The following VPS53 variants were observed in gnomAD, a reference collection of about 807,000 sequenced individuals.
The protein encoded by VPS53 is vacuolar protein sorting-associated protein 53 homolog.
A neutral mutation model predicts 107.0 loss-of-function variants in VPS53; 70 were observed. The observed-to-expected ratio is 0.65, with a 90% CI of 0.54 to 0.80. The LOEUF is 0.80. VPS53 is among the 30% of genes least tolerant of loss of function. The probability of loss-of-function intolerance (pLI) is 0.00; values close to 1 mark genes in which losing one functional copy is unlikely to be tolerated. For missense variants in VPS53, 917 were observed against 1,049.4 expected (o/e 0.87, Z 1.74); for synonymous variants, 409 against 393.3 (o/e 1.04, Z -0.47).
At chr17:561,652 C>A (rs980630242) in intron 14 of VPS53, among the ~76,000 whole-genome samples, 1 of 152,048 alleles carries the variant, frequency 6.6e-6, no homozygotes, top group Non-Finnish European at 1.5e-5. Context: ...TTTTTTAGGG[C>A]GGAGTCTCCC....
At chr17:698,088 G>A (rs1180939135) in intron 3 of VPS53, among the ~76,000 whole-genome samples, 1 of 152,030 alleles carries the variant, frequency 6.6e-6, no homozygotes, top group Non-Finnish European at 1.5e-5. Flanking sequence ...CTAAGCCTTG[G>A]GAACACAAAA....
intron 7 of VPS53, among the ~76,000 whole-genome samples, chr17:651,569 T>G (rs576274767): frequency 6.6e-6 from 1 of 152,140 alleles, no homozygotes; most frequent in African/African-American, 2.4e-5. Context: ...CCATCCTGGG[T>G]GACAGAGTGA....
At chr17:650,638 A>C (rs1416043718) in intron 7 of VPS53, among the ~76,000 whole-genome samples, 1 of 152,262 alleles carries the variant, frequency 6.6e-6, no homozygotes. Flanking sequence ...GTGCTCTCAT[A>C]CAGTACAGAT....
At chr17:572,775 T>A (rs1914286492) in intron 13 of VPS53, among the ~76,000 whole-genome samples, 1 of 148,610 alleles carries the variant, frequency 6.7e-6, no homozygotes, top group Non-Finnish European at 1.5e-5. Flanking sequence ...CACTCAGGGT[T>A]AAATGGATTA....
intron 13 of VPS53, among the ~76,000 whole-genome samples, chr17:570,338 C>G (rs975228628): frequency 1.4e-5 from 2 of 144,116 alleles, no homozygotes; most frequent in African/African-American, 2.6e-5. Flanking sequence ...CCACTGCACT[C>G]CAGCCTGGGG....
intron 12 of VPS53, among the ~76,000 whole-genome samples, chr17:599,108 G>A (rs1361571775): frequency 9.5e-5 from 12 of 126,368 alleles, no homozygotes; most frequent in South Asian, 5.7e-4. Flanking sequence ...CAGGCCAGCC[G>A]CCCCGTCCGG....
At chr17:554,350 G>A (rs933546649) in intron 15 of VPS53, among the ~76,000 whole-genome samples, 2 of 152,200 alleles carry the variant, frequency 1.3e-5, no homozygotes, top group Admixed American at 6.5e-5. Context: ...ATCCCTGGGA[G>A]TTGATTAATC....
chr17:547,394 C>T (rs1164467419), intron 17 of VPS53, among the ~76,000 whole-genome samples: 1 of 152,104 alleles, frequency 6.6e-6, no homozygotes, highest in Non-Finnish European at 1.5e-5. Flanking sequence ...GCCCTGAAAA[C>T]ACTACGCTAA....
chr17:596,684 G>C (rs974326064), intron 12 of VPS53, among the ~76,000 whole-genome samples: 1 of 152,200 alleles, frequency 6.6e-6, no homozygotes, highest in Non-Finnish European at 1.5e-5. Context: ...CTATGGCTAC[G>C]TTATGAACGT....
In VPS53 at chr17:524,299, TAAAA is replaced by T. The variant is rs1347198393; in HGVS notation, c.2086-2565_2086-2562del. Among the ~76,000 whole-genome samples, 4 of 149,946 alleles carry T rather than the reference TAAAA, an allele frequency of 2.7e-5. No individual in the cohort carries two copies. The highest frequency in any genetic ancestry group is 5.9e-5 in the Non-Finnish European group (4 of 67,578). ...AAATAAATACATAAAAAATAAAAAATAAAAAAGAAGAAGAAGAAGAAAATACAGA... is the reference window on the plus strand; with the variant it reads ...AAATAAATACATAAAAAATAAAAAATAAGAAGAAGAAGAAGAAAATACAGA... On this transcript the variant is annotated intron_variant, in intron 19 of 21. Coordinates refer to ENST00000437048, the MANE Select transcript of VPS53 (RefSeq NM_001128159.3). This position sits in a 1 kb window ranked among gnomAD's most constrained non-coding sequence, Gnocchi z 4.5.
Position 630,069 on chromosome 17 carries a change from G to A in VPS53, c.687+1481C>T, listed in dbSNP as rs188872357. 2.7e-3 allele frequency among the ~76,000 whole-genome samples: 403 copies of A among 152,016 alleles called. 3 individuals carry two copies. Among genetic ancestry groups the A allele is most frequent in the African/African-American group, 9.3e-3 (387 of 41,472 alleles). On this transcript the variant is annotated intron_variant, in intron 8 of 21. Coordinates refer to ENST00000437048, the MANE Select transcript of VPS53 (RefSeq NM_001128159.3). ...AGCACTTTGGGAGGCCGAGGCGGGC[G>A]GATCACCTGAGGTTGGGAGTTCGAA... is the stretch of plus-strand genomic sequence containing the variant.
intron 7 of VPS53, among the ~76,000 whole-genome samples, chr17:645,771 C>T (rs2143394696): frequency 6.6e-6 from 1 of 150,776 alleles, no homozygotes; most frequent in Middle Eastern, 3.4e-3. Context: ...AGATAGGCTC[C>T]CACACACATC....
chr17:658,972 C>T (rs960883489), intron 5 of VPS53, among the ~76,000 whole-genome samples: 8 of 151,968 alleles, frequency 5.3e-5, no homozygotes, highest in Non-Finnish European at 1.0e-4. Flanking sequence ...AAGCCTCTTT[C>T]ATGGGGACTT....
intron 12 of VPS53, among the ~76,000 whole-genome samples, chr17:597,880 T>A (rs962284410): frequency 2.6e-5 from 4 of 151,924 alleles, no homozygotes; most frequent in East Asian, 1.9e-4. Context: ...ATTTTTTTTT[T>A]AAATTACATA....
chr17:674,974 C>T (rs1321089218), intron 4 of VPS53: 1 of 152,132 alleles, frequency 6.6e-6, no homozygotes, highest in African/African-American at 2.4e-5. Context: ...GTAATATATG[C>T]AACAATATTT....
chr17:669,592 T>A (rs1382700403), intron 4 of VPS53, among the ~76,000 whole-genome samples: 12 of 110,230 alleles, frequency 1.1e-4, no homozygotes, highest in African/African-American at 1.7e-4. Flanking sequence ...TACTCTGTCT[T>A]AAAAAAAAAA....
At chr17:623,978 G>A (rs546417888) in intron 10 of VPS53, among the ~76,000 whole-genome samples, 5 of 149,982 alleles carry the variant, frequency 3.3e-5, no homozygotes, top group African/African-American at 7.3e-5. Flanking sequence ...TCCCTCTGTC[G>A]CCCAGGCTGG....
intron 7 of VPS53, among the ~76,000 whole-genome samples, chr17:646,408 G>T (rs1254180561): frequency 7.6e-6 from 1 of 131,952 alleles, no homozygotes; most frequent in African/African-American, 2.6e-5. Context: ...CCTCCTAAGG[G>T]TCTTATCTTT....
intron 2 of VPS53, among the ~76,000 whole-genome samples, chr17:702,487 C>T (rs1434320821): frequency 6.6e-6 from 1 of 151,970 alleles, no homozygotes. Flanking sequence ...TATGGTGAAA[C>T]CCCGTCTCTA....
Sources: allele counts gnomAD v4.1 joint callset (sites outside exome capture counted in the v4.1 genomes callset), GRCh38; gene constraint gnomAD v4.1.1; non-coding constraint Gnocchi (gnomAD v3.1); transcripts MANE v1.5; gene names NCBI Gene and HGNC (gene_info 2026-07-23, HGNC 2026-07-21).